Variants in PDE1A observed in about 807,000 individuals in gnomAD.
PDE1A encodes phosphodiesterase 1A.
In PDE1A, 35 loss-of-function variants were observed where a neutral mutation model predicts 61.7. The ratio of observed to expected loss-of-function variants is 0.57; its 90% CI spans 0.43 to 0.75. The LOEUF (loss-of-function observed/expected upper bound fraction) is 0.75, where lower values mean the gene tolerates loss of function less well. PDE1A is among the 30% of genes least tolerant of loss of function. The pLI is 0.00. For synonymous variants in PDE1A, 232 were observed against 213.2 expected (o/e 1.09, Z -0.77); for missense variants, 597 against 630.6 (o/e 0.95, Z 0.57).
At chr2:182,255,557 G>A (rs1300858186) in intron 2 of PDE1A, among the ~76,000 whole-genome samples, 2 of 152,042 alleles carry the variant, frequency 1.3e-5, no homozygotes, top group East Asian at 1.9e-4. Flanking sequence ...TGAGTCTTTC[G>A]GATTTTACAA....
At chr2:182,292,242 T>C (rs758942264) in intron 1 of PDE1A, among the ~76,000 whole-genome samples, 1 of 152,086 alleles carries the variant, frequency 6.6e-6, no homozygotes, top group Non-Finnish European at 1.5e-5. Context: ...AGAATGCAGA[T>C]ATTTTGGAGA....
At chr2:182,427,531 C>G (rs967827335), upstream of PDE1A, among the ~76,000 whole-genome samples, 5 of 151,818 alleles carry the variant, frequency 3.3e-5, no homozygotes, top group East Asian at 9.7e-4. Flanking sequence ...TTTTTTTTAA[C>G]AAAAAGCCCC....
chr2:182,505,618 C>T (rs919841031), intron 2 of PDE1A, among the ~76,000 whole-genome samples: 12 of 151,616 alleles, frequency 7.9e-5, no homozygotes, highest in South Asian at 4.2e-4. Flanking sequence ...GGTTTATATC[C>T]ACCCCACATG....
intron 2 of PDE1A, among the ~76,000 whole-genome samples, chr2:182,466,121 C>G (rs2125786378): frequency 6.6e-6 from 1 of 151,848 alleles, no homozygotes; most frequent in African/African-American, 2.4e-5. Flanking sequence ...TTCATAATGT[C>G]TTTAAATGCA....
At chr2:182,533,450 AG>A in the PDE1A span, among the ~76,000 whole-genome samples, 16 of 152,232 alleles carry the variant, frequency 1.1e-4, no homozygotes, top group African/African-American at 3.9e-4. Context: ...TCTTAGTAAA[AG>A]TGATGGAATA....
chr2:182,241,211 C>G (rs536324928), intron 2 of PDE1A, among the ~76,000 whole-genome samples: 2 of 152,308 alleles, frequency 1.3e-5, no homozygotes, highest in Admixed American at 1.3e-4. Context: ...GGCTCCCCAC[C>G]AAATACAGAA....
chr2:182,168,191 A>T, exon 14 of PDE1A: 2 of 1,553,730 alleles, frequency 1.3e-6, no homozygotes, highest in Non-Finnish European at 1.7e-6. Flanking sequence ...CAAAATCTCC[A>T]AGTCTTTTGG....
At chr2:182,503,066 C>CAT (rs1689187746) in intron 2 of PDE1A, among the ~76,000 whole-genome samples, 1 of 30,356 alleles carries the variant, frequency 3.3e-5, no homozygotes, top group African/African-American at 5.5e-5. Context: ...CACACACACA[C>CAT]ACACACATAC....
chr2:182,598,090 A>G, the PDE1A span, among the ~76,000 whole-genome samples: 1 of 152,220 alleles, frequency 6.6e-6, no homozygotes, highest in Non-Finnish European at 1.5e-5. Flanking sequence ...CTCCCTAAAG[A>G]CCATTAAGTC....
intron 1 of PDE1A, among the ~76,000 whole-genome samples, chr2:182,413,579 T>C (rs762235567): frequency 1.3e-5 from 2 of 152,152 alleles, no homozygotes; most frequent in Non-Finnish European, 2.9e-5. Flanking sequence ...CTTAATAGTT[T>C]TCAACAAAGA....
the PDE1A span, among the ~76,000 whole-genome samples, chr2:182,682,123 C>T: frequency 6.6e-6 from 1 of 152,160 alleles, no homozygotes; most frequent in Non-Finnish European, 1.5e-5. Context: ...TTCTGACTGT[C>T]TACAATGTGA....
intron 13 of PDE1A, among the ~76,000 whole-genome samples, chr2:182,170,379 CTG>C (rs1319658328): frequency 6.6e-6 from 1 of 151,930 alleles, no homozygotes; most frequent in Non-Finnish European, 1.5e-5. Context: ...ATAAAAATAT[CTG>C]TGAGATATAA....
intron 2 of PDE1A, among the ~76,000 whole-genome samples, chr2:182,243,430 G>A (rs946180388): frequency 9.9e-5 from 15 of 152,218 alleles, no homozygotes; most frequent in African/African-American, 3.1e-4. Context: ...AGAAAGAAGG[G>A]CAAGTACAAA....
At chr2:182,420,904 GC>G in intron 1 of PDE1A, among the ~76,000 whole-genome samples, 1 of 152,266 alleles carries the variant, frequency 6.6e-6, no homozygotes, top group Non-Finnish European at 1.5e-5. Context: ...TGTCCAAGTG[GC>G]CGTAATCAAA....
chr2:182,194,128 T>C (rs960666040), intron 10 of PDE1A, among the ~76,000 whole-genome samples: 11 of 152,290 alleles, frequency 7.2e-5, no homozygotes, highest in Non-Finnish European at 1.3e-4. Context: ...AAGGTAATAA[T>C]GATTAATAAA....
the PDE1A span, among the ~76,000 whole-genome samples, chr2:182,666,488 A>AT: frequency 1.3e-5 from 2 of 151,898 alleles, no homozygotes; most frequent in Non-Finnish European, 2.9e-5. Flanking sequence ...CATGCCTGTA[A>AT]TCCCAGCTAC....
intron 1 of PDE1A, among the ~76,000 whole-genome samples, chr2:182,394,597 A>G (rs1410535709): frequency 6.6e-6 from 1 of 152,166 alleles, no homozygotes; most frequent in Non-Finnish European, 1.5e-5. Context: ...CAGGGGACCC[A>G]AAACATCAAT....
chr2:182,191,866 A>AT (rs903236725), intron 10 of PDE1A, among the ~76,000 whole-genome samples: 10 of 144,360 alleles, frequency 6.9e-5, no homozygotes, highest in African/African-American at 1.8e-4. Flanking sequence ...TTATTTTTTT[A>AT]TTTTTTTTGA....
At chr2:182,668,260 A>T in the PDE1A span, among the ~76,000 whole-genome samples, 2 of 152,160 alleles carry the variant, frequency 1.3e-5, no homozygotes, top group Non-Finnish European at 2.9e-5. Context: ...AGGATGCTGG[A>T]CAACTAGAGA....
Sources: allele counts gnomAD v4.1 joint callset (sites outside exome capture counted in the v4.1 genomes callset), GRCh38; gene constraint gnomAD v4.1.1; transcripts MANE v1.5; gene names NCBI Gene and HGNC (gene_info 2026-07-23, HGNC 2026-07-21).